The following DPYD variants were observed in gnomAD, a reference collection of about 807,000 sequenced individuals.
The protein encoded by DPYD is dihydropyrimidine dehydrogenase [NADP(+)].
Under a neutral mutation model 116.2 loss-of-function variants are expected in DPYD, and 109 were observed. The ratio of observed to expected loss-of-function variants is 0.94; its 90% confidence interval spans 0.80 to 1.10. DPYD has a LOEUF of 1.10. DPYD is among the 50% of genes least tolerant of loss of function. DPYD has a pLI of 0.00. For missense variants in DPYD, 1,302 were observed against 1,254.5 expected, an observed-to-expected ratio of 1.04 and a Z score of -0.57; for synonymous variants, 440 against 432.0, an observed-to-expected ratio of 1.02 and a Z score of -0.23.
intron 20 of DPYD, among the ~76,000 whole-genome samples, chr1:97,169,427 C>G (rs1349082762): frequency 6.6e-6 from 1 of 152,066 alleles, no homozygotes; most frequent in East Asian, 1.9e-4. Flanking sequence ...CATTTCTTTC[C>G]AAGGCGAAAT....
At chr1:97,542,611 C>T (rs934710422) in intron 12 of DPYD, among the ~76,000 whole-genome samples, 12 of 152,132 alleles carry the variant, frequency 7.9e-5, no homozygotes, top group African/African-American at 2.9e-4. Flanking sequence ...CAGTCATTGT[C>T]TCTTCCAGGT....
intron 3 of DPYD, among the ~76,000 whole-genome samples, chr1:97,746,731 A>C (rs867823023): frequency 6.6e-6 from 1 of 152,098 alleles, no homozygotes. Context: ...AGACAGTTAT[A>C]ACCAGGAATG....
chr1:97,656,048 C>T (rs1246059080), intron 8 of DPYD, among the ~76,000 whole-genome samples: 1 of 152,260 alleles, frequency 6.6e-6, no homozygotes, highest in South Asian at 2.1e-4. Flanking sequence ...ATTTCCTGAG[C>T]TCTAATTTTG....
chr1:97,205,738 A>G (rs1474900183), intron 19 of DPYD, among the ~76,000 whole-genome samples: 1 of 152,042 alleles, frequency 6.6e-6, no homozygotes, highest in Non-Finnish European at 1.5e-5. Flanking sequence ...CTGTCCTTCA[A>G]GGTTCCTTTT....
intron 14 of DPYD, chr1:97,420,274 A>C (rs567902257): frequency 6.6e-6 from 1 of 152,304 alleles, no homozygotes; most frequent in East Asian, 1.9e-4. Flanking sequence ...CCAGATGCAG[A>C]TACTGCGTCG....
chr1:97,532,684 C>T (rs891894688), intron 12 of DPYD, among the ~76,000 whole-genome samples: 1 of 151,944 alleles, frequency 6.6e-6, no homozygotes, highest in Non-Finnish European at 1.5e-5. Context: ...TATGGTCTTG[C>T]TTTTTATTTC....
intron 3 of DPYD, among the ~76,000 whole-genome samples, chr1:97,782,882 A>G (rs985148839): frequency 2.0e-4 from 30 of 152,314 alleles, no homozygotes; most frequent in African/African-American, 6.7e-4. Flanking sequence ...AGGTGGTGGT[A>G]TCATCAGGGT....
intron 16 of DPYD, among the ~76,000 whole-genome samples, chr1:97,308,109 T>A (rs72726687): frequency 6.6e-6 from 1 of 151,832 alleles, no homozygotes; most frequent in African/African-American, 2.4e-5. Flanking sequence ...TTGACCCCCA[T>A]GCCATAATAA....
rs542264239 is a variant in DPYD, at chr1:97,355,451, T to C, written c.2058+18110A>G. ...AATTTTGAAATGTACAATAAATGGT[T>C]ATTTACTATATTCACCATGTTTTAC... On this transcript the variant is annotated intron_variant, in intron 16 of 22. Transcript: ENST00000370192. Among the ~76,000 whole-genome samples the C allele has an allele frequency of 3.1e-4, 47 of 152,286 alleles. No homozygotes were observed. The South Asian group carries it at 3.1e-3, about 10-fold the overall frequency.
chr1:97,713,985 A>G (rs1001688069), intron 5 of DPYD, among the ~76,000 whole-genome samples: 3 of 152,146 alleles, frequency 2.0e-5, no homozygotes, highest in Non-Finnish European at 4.4e-5. Flanking sequence ...AGCTATATAT[A>G]TTAGTAATTT....
chr1:97,442,694 A>T lies in DPYD; in HGVS notation c.1905+7365T>A, dbSNP rs1053538957. Reference sequence around the variant, plus strand: ...ATGATATAGGACATATAATGAACTCAAATTGAAGGAATCACTGAAAAACAT... The same window carrying T: ...ATGATATAGGACATATAATGAACTCTAATTGAAGGAATCACTGAAAAACAT... On this transcript the variant is annotated intron_variant, in intron 14 of 22. Transcript: ENST00000370192. Among the ~76,000 whole-genome samples, 4 of 152,068 alleles carry T rather than the reference A, an allele frequency of 2.6e-5. No homozygotes were observed. The South Asian group carries it at 6.2e-4, about 24-fold the overall frequency.
chr1:97,610,450 G>C (rs1655869703), intron 8 of DPYD, among the ~76,000 whole-genome samples: 1 of 152,016 alleles, frequency 6.6e-6, no homozygotes, highest in Non-Finnish European at 1.5e-5. Context: ...ATCTTGAAAG[G>C]AGATTATAGA....
chr1:97,805,215 T>C (rs1668023553), intron 3 of DPYD, among the ~76,000 whole-genome samples: 2 of 151,724 alleles, frequency 1.3e-5, no homozygotes, highest in Non-Finnish European at 3.0e-5. Flanking sequence ...CAAACAAACA[T>C]TTAAAACTGT....
At chr1:97,691,124 AAAG>A (rs1660988465) in intron 7 of DPYD, 1 of 152,588 alleles carries the variant, frequency 6.6e-6, no homozygotes, top group Non-Finnish European at 1.5e-5. Context: ...TCTTAACAGA[AAAG>A]AAGAGGAATA....
intron 16 of DPYD, among the ~76,000 whole-genome samples, chr1:97,332,508 G>A (rs376567660): frequency 2.0e-3 from 298 of 152,214 alleles, no homozygotes; most frequent in African/African-American, 6.8e-3. Context: ...TGATGATTTC[G>A]TTGAGTTTTG....
chr1:97,488,403 A>G (rs1452876144), intron 13 of DPYD, among the ~76,000 whole-genome samples: 3 of 152,306 alleles, frequency 2.0e-5, no homozygotes, highest in Admixed American at 2.0e-4. Context: ...ATAAAACTGC[A>G]TATAATTATA....
At chr1:97,446,645 C>T (rs1676102128) in intron 14 of DPYD, among the ~76,000 whole-genome samples, 1 of 152,196 alleles carries the variant, frequency 6.6e-6, no homozygotes, top group South Asian at 2.1e-4. Flanking sequence ...GCCCTACCTT[C>T]TGCTTCCTAC....
chr1:97,483,151 C>A (rs567636021), intron 13 of DPYD, among the ~76,000 whole-genome samples: 1 of 152,146 alleles, frequency 6.6e-6, no homozygotes, highest in Non-Finnish European at 1.5e-5. Context: ...GCTCTGTTTC[C>A]GGAGAAATTC....
chr1:97,674,139 A>G (rs894265916), intron 8 of DPYD, among the ~76,000 whole-genome samples: 10 of 152,138 alleles, frequency 6.6e-5, no homozygotes, highest in Non-Finnish European at 1.3e-4. Flanking sequence ...GGCCAAAGAG[A>G]CTGGTTGAGG....
Sources: gnomAD v4.1 joint callset for allele counts (sites outside exome capture counted in the v4.1 genomes callset) on GRCh38, gnomAD v4.1.1 for gene constraint, MANE v1.5 for transcripts, NCBI Gene and HGNC (gene_info 2026-07-23, HGNC 2026-07-21) for gene names.